ASXL1: variants seen among roughly 807,000 people sequenced by gnomAD.
The protein encoded by ASXL1 is polycomb group protein ASXL1.
In ASXL1, 65 loss-of-function variants were observed where a neutral mutation model predicts 89.1. That is an observed-to-expected ratio of 0.73 (90% CI 0.60 to 0.90). The LOEUF is 0.90. Among genes scored for constraint, ASXL1 ranks in the 40% least tolerant of loss-of-function variants. The pLI is 0.00. For missense variants in ASXL1, 1,786 were observed against 1,942.9 expected, an observed-to-expected ratio of 0.92 and a Z score of 1.52; for synonymous variants, 739 against 746.9, an observed-to-expected ratio of 0.99 and a Z score of 0.17.
At position 32,428,333 on chromosome 20, in the gene ASXL1, G is replaced by C. The variant is rs1247216500; in HGVS notation, c.382G>C (p.Asp128His). 1 of 1,614,062 alleles carries C rather than the reference G, an allele frequency of 6.2e-7. No individual in the cohort carries two copies. Among genetic ancestry groups the C allele is most frequent in the African/African-American group, 1.3e-5 (1 of 74,928 alleles). The part of the protein sequence containing the change: ...TVSGENDVSL[D>H]ETSSNASCST... ...ATTTTCCTCTCTTCCAGTATCTCTT[G>C]ATGAAACATCTTCGAACGCATCCTG... Residue 128 changes from aspartate (D) to histidine (H), a missense_variant, in exon 6 of 13, where the codon GAT becomes CAT. By Grantham distance (81) the Asp-to-His change is moderately conservative. Transcript: ENST00000375687.
At chr20:32,405,672 T>C (rs7268868) in intron 4 of ASXL1, among the ~76,000 whole-genome samples, 3,855 of 152,318 alleles carry the variant, frequency 0.025, 157 homozygotes, top group African/African-American at 0.086. Flanking sequence ...CTTGACTCCT[T>C]TGAAGACTAC....
intron 4 of ASXL1, among the ~76,000 whole-genome samples, chr20:32,419,198 G>T (rs2049195310): frequency 6.6e-6 from 1 of 151,120 alleles, no homozygotes; most frequent in African/African-American, 2.4e-5. Context: ...ATTTATTTAG[G>T]GTTTGTTTGT....
intron 1 of ASXL1, among the ~76,000 whole-genome samples, chr20:32,365,811 C>G (rs907019461): frequency 1.3e-5 from 2 of 152,120 alleles, no homozygotes; most frequent in African/African-American, 4.8e-5. Context: ...GTTAACACCA[C>G]AAATTAACAA....
chr20:32,371,834 C>G, intron 4 of ASXL1: 1 of 441,680 alleles, frequency 2.3e-6, no homozygotes, highest in Non-Finnish European at 4.6e-6. Flanking sequence ...CTCAAGTGAT[C>G]TTCCCACCAC....
intron 4 of ASXL1, among the ~76,000 whole-genome samples, chr20:32,394,969 C>T (rs1389815881): frequency 6.6e-6 from 1 of 152,142 alleles, no homozygotes; most frequent in African/African-American, 2.4e-5. Context: ...CTGTCTTGGC[C>T]TCCCAAAGTG....
At position 32,418,780 on chromosome 20, in the gene ASXL1, C is replaced by T. The variant is rs117015469; in HGVS notation, c.253-9348C>T. 1.8e-3 allele frequency among the ~76,000 whole-genome samples: 240 copies of T among 135,068 alleles called. 8 individuals carry two copies. The East Asian group carries it at 0.052, about 29-fold the overall frequency. 88.6% of individuals were successfully genotyped at this position (135,068 alleles called of 152,430 possible). On this transcript the variant is annotated intron_variant, in intron 4 of 12. Coordinates refer to ENST00000375687, the MANE Select transcript of ASXL1 (RefSeq NM_015338.6). ...GAGCTTTATTGGAACTGCATTGAAT[C>T]GACAAATCAAAATGGGAAGAATTGA...
At chr20:32,363,146 T>G (rs1452784799) in intron 1 of ASXL1, among the ~76,000 whole-genome samples, 1 of 152,216 alleles carries the variant, frequency 6.6e-6, no homozygotes, top group East Asian at 1.9e-4. Context: ...AAAAGAATAC[T>G]TTGTATCTTT....
chr20:32,366,069 A>G (rs1600470573), intron 1 of ASXL1, among the ~76,000 whole-genome samples: 1 of 152,194 alleles, frequency 6.6e-6, no homozygotes, highest in African/African-American at 2.4e-5. Context: ...GTGCAGCACT[A>G]TATATTCTGT....
intron 4 of ASXL1, among the ~76,000 whole-genome samples, chr20:32,395,108 A>G (rs2048739378): frequency 6.6e-6 from 1 of 152,130 alleles, no homozygotes; most frequent in South Asian, 2.1e-4. Context: ...CCAGATTCTC[A>G]TCTGCCAGAT....
intron 4 of ASXL1, among the ~76,000 whole-genome samples, chr20:32,378,593 A>G (rs776822686): frequency 6.6e-6 from 1 of 152,128 alleles, no homozygotes; most frequent in Non-Finnish European, 1.5e-5. Context: ...GTCATGTGTC[A>G]GTGTTGATTA....
intron 4 of ASXL1, among the ~76,000 whole-genome samples, chr20:32,404,245 G>C (rs6058681): frequency 6.6e-6 from 1 of 152,014 alleles, no homozygotes; most frequent in Non-Finnish European, 1.5e-5. Flanking sequence ...CTCCCACATA[G>C]GAGTGACAAC....
chr20:32,377,627 A>T (rs2048407416), intron 4 of ASXL1, among the ~76,000 whole-genome samples: 1 of 151,922 alleles, frequency 6.6e-6, no homozygotes, highest in African/African-American at 2.4e-5. Flanking sequence ...TTTCATATTT[A>T]TCTTATATGC....
rs753585837 is a variant in ASXL1 at position 32,437,238 on chromosome 20, G to A, written c.4526G>A (p.Ser1509Asn). 6.2e-7 allele frequency: 1 copy of A among 1,613,952 alleles called. No individual in the cohort carries two copies. The highest frequency in any genetic ancestry group is 1.3e-5 in the African/African-American group (1 of 74,924). ...VESISLQCAC[S>N]LKAMIMCQGC... ...AGCATCTCGCTCCAGTGTGCGTGCAGCCTGAAAGCCATGATCATGTGCCAA... is the reference window on the plus strand; with the variant it reads ...AGCATCTCGCTCCAGTGTGCGTGCAACCTGAAAGCCATGATCATGTGCCAA... Residue 1509 changes from serine to asparagine, a missense_variant, in exon 13 of 13, where the codon AGC becomes AAC. Around this residue, in one of 3 missense-constraint regions of ASXL1, gnomAD observed 36 missense variants for 65.5 expected, o/e 0.55. Coordinates refer to ENST00000375687, the MANE Select transcript of ASXL1 (RefSeq NM_015338.6).
At chr20:32,404,528 A>G (rs530165404) in intron 4 of ASXL1, among the ~76,000 whole-genome samples, 1 of 152,266 alleles carries the variant, frequency 6.6e-6, no homozygotes, top group African/African-American at 2.4e-5. Context: ...TAGTTCTACA[A>G]GTTTTTCTCC....
At chr20:32,396,399 C>A (rs565669230) in intron 4 of ASXL1, among the ~76,000 whole-genome samples, 2 of 152,258 alleles carry the variant, frequency 1.3e-5, no homozygotes, top group East Asian at 3.9e-4. Context: ...GAAACTAATT[C>A]TTTTGAGGCT....
In ASXL1 at chr20:32,434,753, C is replaced by G. The variant is rs2011690504; in HGVS notation, c.2041C>G (p.Pro681Ala). ...TGGCCACCCTGAGCCCAGGGGAGGC[C>G]CGAGCACCCCTGGAAAGTGTACGTC... Reference protein sequence around the residue: ...ACGHPEPRGGPSTPGKCTSDL... With the variant: ...ACGHPEPRGGASTPGKCTSDL... The change falls in exon 13 of 13, where the codon CCG becomes GCG. Residue 681 changes from proline (P) to alanine (A), a missense_variant. Pro to Ala is a conservative substitution (Grantham distance 27). Transcript: ENST00000375687. 1 of 1,613,406 alleles carries G rather than the reference C, an allele frequency of 6.2e-7. No individual in the cohort carries two copies. Among genetic ancestry groups the G allele is most frequent in the Non-Finnish European group, 8.5e-7 (1 of 1,179,916 alleles).
intron 3 of ASXL1, 104 bp downstream of exon 3, chr20:32,367,833 G>A (rs1057260512): frequency 5.2e-6 from 4 of 767,414 alleles, no homozygotes; most frequent in African/African-American, 5.1e-5. Context: ...CATGATGAGT[G>A]AGCAGCTCTG....
At chr20:32,396,839 C>G (rs1482283743) in intron 4 of ASXL1, among the ~76,000 whole-genome samples, 1 of 152,122 alleles carries the variant, frequency 6.6e-6, no homozygotes, top group Admixed American at 6.6e-5. Context: ...ATACTGCTTA[C>G]TAAGTTAGCA....
Position 32,438,239 on chromosome 20 carries a change from C to T in ASXL1, c.*901C>T, listed in dbSNP as rs1600598102. 10 of 233,406 alleles carry T rather than the reference C, an allele frequency of 4.3e-5. No homozygotes were observed. In the East Asian group the frequency reaches 6.0e-4, roughly 14 times the overall value. 14.5% of individuals were successfully genotyped at this position (233,406 alleles called of 1,614,324 possible). ...TTTATTCTTGGATGTATAAAGTGAA[C>T]TTTTTGGCTTCTGTAAGTATGCTCT... On this transcript the variant is annotated 3_prime_UTR_variant, in exon 13 of 13. Transcript: ENST00000375687.
Sources: gnomAD v4.1 joint callset for allele counts (sites outside exome capture counted in the v4.1 genomes callset) on GRCh38, gnomAD v4.1.1 for gene constraint, gnomAD v4.1.1 regional missense constraint, MANE v1.5 for transcripts, NCBI Gene and HGNC (gene_info 2026-07-23, HGNC 2026-07-21) for gene names.